Variants in MEF2A observed in about 807,000 individuals in gnomAD.
MEF2A encodes myocyte-specific enhancer factor 2A.
Under a neutral mutation model 55.8 loss-of-function variants are expected in MEF2A, and 28 were observed. The ratio of observed to expected loss-of-function variants is 0.50; its 90% CI spans 0.37 to 0.69. MEF2A has a LOEUF of 0.69. Ranked by LOEUF, MEF2A falls within the 30% of genes least tolerant of loss-of-function variation. The pLI, the probability that MEF2A is intolerant of heterozygous loss-of-function variation, is 0.00. For synonymous variants in MEF2A, 239 were observed against 227.1 expected, an observed-to-expected ratio of 1.05 and a Z score of -0.47; for missense variants, 528 against 626.2, an observed-to-expected ratio of 0.84 and a Z score of 1.67.
At chr15:99,624,334 G>C (rs2041729016) in intron 2 of MEF2A, among the ~76,000 whole-genome samples, 1 of 152,048 alleles carries the variant, frequency 6.6e-6, no homozygotes, top group African/African-American at 2.4e-5. Context: ...TTAAATCTTT[G>C]ATCTATTGTG....
chr15:99,706,532 GAATT>G, intron 9 of MEF2A, 193 bp from the exon 10 acceptor site: 2 of 576,078 alleles, frequency 3.5e-6, no homozygotes, highest in South Asian at 2.1e-5. Context: ...TATTTTAAAA[GAATT>G]AATGTAAAAA....
chr15:99,652,528 T>C (rs1456810875), intron 4 of MEF2A, among the ~76,000 whole-genome samples: 1 of 152,136 alleles, frequency 6.6e-6, no homozygotes, highest in Non-Finnish European at 1.5e-5. Context: ...GCAGCTTATA[T>C]GGAAATTAGG....
chr15:99,663,782 T>C (rs1331888908), intron 4 of MEF2A, among the ~76,000 whole-genome samples: 1 of 152,190 alleles, frequency 6.6e-6, no homozygotes, highest in Non-Finnish European at 1.5e-5. Context: ...AAAAAAAGTT[T>C]ATACAGTATT....
chr15:99,703,091 A>G (rs1390722144), intron 8 of MEF2A, among the ~76,000 whole-genome samples: 2 of 152,222 alleles, frequency 1.3e-5, no homozygotes, highest in Non-Finnish European at 1.5e-5. Context: ...ATGACTATGT[A>G]TAAGAGGCCA....
chr15:99,582,528 A>T (rs536135193), intron 1 of MEF2A, among the ~76,000 whole-genome samples: 3 of 152,080 alleles, frequency 2.0e-5, no homozygotes, highest in South Asian at 2.1e-4. Flanking sequence ...TACACACTGC[A>T]TTGAAGGCTT....
At chr15:99,694,446 A>G (rs906023989) in intron 8 of MEF2A, among the ~76,000 whole-genome samples, 9 of 152,232 alleles carry the variant, frequency 5.9e-5, no homozygotes, top group Non-Finnish European at 1.0e-4. Context: ...CCCAAATCCA[A>G]AAATCTGAAA....
intron 4 of MEF2A, among the ~76,000 whole-genome samples, chr15:99,671,086 A>G (rs1014071727): frequency 6.6e-6 from 1 of 152,256 alleles, no homozygotes; most frequent in African/African-American, 2.4e-5. Flanking sequence ...AAGTTTAGAA[A>G]GGAAGAATCC....
In MEF2A at chr15:99,622,702, C is replaced by CTTTTT. The variant is rs56054040; in HGVS notation, c.-142-10269_-142-10265dup. On this transcript the variant is annotated intron_variant, in intron 2 of 11. Coordinates refer to ENST00000557942, the MANE Select transcript of MEF2A (RefSeq NM_001319206.4). ...ATCCTTCTTTAGGATGTTTTCTTTT[C>CTTTTT]TTTTTTTTTTTCTTTTTTGAGATGG... 9.6e-5 allele frequency among the ~76,000 whole-genome samples: 13 copies of CTTTTT among 135,710 alleles called. 1 individual carries two copies. The highest frequency in any genetic ancestry group is 2.1e-4 in the East Asian group (1 of 4,678). 89.0% of individuals were successfully genotyped at this position (135,710 alleles called of 152,430 possible).
At chr15:99,664,326 G>C (rs564064199) in intron 4 of MEF2A, among the ~76,000 whole-genome samples, 65 of 152,300 alleles carry the variant, frequency 4.3e-4, no homozygotes, top group Non-Finnish European at 1.3e-4. Context: ...AAAGGCAAGA[G>C]GCAGGAGTAG....
intron 7 of MEF2A, among the ~76,000 whole-genome samples, chr15:99,682,671 G>C (rs1000715049): frequency 6.6e-6 from 1 of 152,106 alleles, no homozygotes; most frequent in African/African-American, 2.4e-5. Flanking sequence ...ACTGACTCCT[G>C]ACTTTACATC....
At chr15:99,583,412 T>G (rs1966503290) in intron 1 of MEF2A, among the ~76,000 whole-genome samples, 2 of 152,144 alleles carry the variant, frequency 1.3e-5, no homozygotes, top group Admixed American at 1.3e-4. Context: ...TTTACTAGAT[T>G]GTTTAACCAA....
At chr15:99,665,674 C>T (rs1049680828) in intron 4 of MEF2A, among the ~76,000 whole-genome samples, 6 of 136,892 alleles carry the variant, frequency 4.4e-5, no homozygotes, top group Non-Finnish European at 7.5e-5. Flanking sequence ...AAAATTTTTG[C>T]GATCTATCCA....
chr15:99,674,062 A>G (rs2051413203), intron 5 of MEF2A, among the ~76,000 whole-genome samples: 1 of 152,170 alleles, frequency 6.6e-6, no homozygotes, highest in Non-Finnish European at 1.5e-5. Context: ...ACTTGGTGAC[A>G]GTGATATATT....
chr15:99,593,200 C>G (rs1969947187), intron 1 of MEF2A, among the ~76,000 whole-genome samples: 1 of 152,018 alleles, frequency 6.6e-6, no homozygotes, highest in Admixed American at 6.6e-5. Flanking sequence ...GCACAAATTC[C>G]CATTACCTCA....
At chr15:99,649,162 C>T (rs1186087280) in intron 4 of MEF2A, among the ~76,000 whole-genome samples, 1 of 151,670 alleles carries the variant, frequency 6.6e-6, no homozygotes, top group Non-Finnish European at 1.5e-5. Flanking sequence ...TTAATTTGTA[C>T]TTACATATTT....
rs1326279279 is a variant in MEF2A at position 99,612,466 on chromosome 15, C to T, written c.-143+13955C>T. ...ATTCACTTTTAAAAGGTGAGTTTTG[C>T]GGTATATGAATACCATTCACATACC... On this transcript the variant is annotated intron_variant, in intron 2 of 11. Transcript: ENST00000557942. Among the ~76,000 whole-genome samples the T allele has an allele frequency of 2.0e-5, 3 of 152,124 alleles. No individual in the cohort carries two copies. The East Asian group carries it at 5.8e-4, about 29-fold the overall frequency.
chr15:99,579,862 A>AGT (rs1965408845), intron 1 of MEF2A, among the ~76,000 whole-genome samples: 1 of 151,970 alleles, frequency 6.6e-6, no homozygotes, highest in South Asian at 2.1e-4. Flanking sequence ...GTCTTGTAGG[A>AGT]CCTTAACTAT....
Position 99,629,330 on chromosome 15 carries a change from G to A in MEF2A, c.-142-3648G>A, listed in dbSNP as rs189409559. Among the ~76,000 whole-genome samples, 372 of 152,300 alleles carry A rather than the reference G, an allele frequency of 2.4e-3. 3 individuals are homozygous for A. The highest frequency in any genetic ancestry group is 3.7e-3 in the Non-Finnish European group (254 of 68,030). On this transcript the variant is annotated intron_variant, in intron 2 of 11. Transcript: ENST00000557942. ...AAGCAATTTACTTCTGCACAGAGGGGTGCCTCATTGGCCAGTCGCCATGAG... is the reference window on the plus strand; with the variant it reads ...AAGCAATTTACTTCTGCACAGAGGGATGCCTCATTGGCCAGTCGCCATGAG...
At chr15:99,620,996 C>A (rs988601043) in intron 2 of MEF2A, 1 of 152,042 alleles carries the variant, frequency 6.6e-6, no homozygotes, top group African/African-American at 2.4e-5. Context: ...AGGCGCCTGC[C>A]ACCATGCCTG....
Sources: gnomAD v4.1 joint callset for allele counts (sites outside exome capture counted in the v4.1 genomes callset) on GRCh38, gnomAD v4.1.1 for gene constraint, MANE v1.5 for transcripts, NCBI Gene and HGNC (gene_info 2026-07-23, HGNC 2026-07-21) for gene names.